ABCA8: variants seen among roughly 807,000 people sequenced by gnomAD.
The protein encoded by ABCA8 is ABC-type organic anion transporter ABCA8.
In ABCA8, 177 loss-of-function variants were observed where a neutral mutation model predicts 192.3. The observed-to-expected ratio is 0.92, with a 90% CI of 0.81 to 1.04. The LOEUF is 1.04. Ranked by LOEUF, ABCA8 falls within the 50% of genes least tolerant of loss-of-function variation. The probability of loss-of-function intolerance (pLI) is 0.00; values close to 1 mark genes in which losing one functional copy is unlikely to be tolerated. For missense variants in ABCA8, 1,915 were observed against 1,904.8 expected (o/e 1.01, Z -0.10); for synonymous variants, 642 against 690.2 (o/e 0.93, Z 1.09).
intron 22 of ABCA8, 177 bp downstream of exon 22, chr17:68,894,703 G>A: frequency 1.5e-6 from 1 of 654,890 alleles, no homozygotes; most frequent in East Asian, 2.8e-5. Flanking sequence ...CTAATAGTTT[G>A]TGCCAGTAGA....
intron 4 of ABCA8, among the ~76,000 whole-genome samples, chr17:68,939,650 T>C (rs1379395635): frequency 6.6e-6 from 1 of 152,148 alleles, no homozygotes; most frequent in African/African-American, 2.4e-5. Flanking sequence ...CACAAAGCTG[T>C]ATATCGGAGG....
At chr17:68,869,900 G>T in intron 37 of ABCA8, 121 bp from the exon 38 acceptor site, 1 of 675,314 alleles carries the variant, frequency 1.5e-6, no homozygotes, top group Non-Finnish European at 2.6e-6. Context: ...TTTAACATGA[G>T]ATCTACCCTG....
Position 68,881,978 on chromosome 17 carries a change from C to T in ABCA8, c.3831G>A (p.Lys1277=), listed in dbSNP as rs1056716708. The part of the protein sequence containing the change: ...NALNSTNFDE[K]PVIIASCLRK... ...GTAGACAGCTGGCAATGATGACTGG[C>T]TTCTGTAAATGACAAGAAGTTATTA... The change falls in exon 31 of 40, where the codon AAG becomes AAA. Residue 1277 remains lysine (K), a splice_region_variant and synonymous_variant. Transcript: ENST00000586539. 9.3e-6 allele frequency: 15 copies of T among 1,612,004 alleles called. No homozygotes were observed. The highest frequency in any genetic ancestry group is 1.3e-5 in the African/African-American group (1 of 74,876).
intron 15 of ABCA8, 84 bp downstream of exon 15, chr17:68,918,343 C>T: frequency 1.3e-6 from 2 of 1,503,702 alleles, no homozygotes; most frequent in Non-Finnish European, 1.8e-6. Context: ...TAACACATGT[C>T]CTTTGCGAAT....
intron 23 of ABCA8, among the ~76,000 whole-genome samples, chr17:68,892,996 G>T (rs577626078): frequency 2.0e-5 from 3 of 152,094 alleles, no homozygotes; most frequent in Non-Finnish European, 4.4e-5. Flanking sequence ...GTGGCAGAGC[G>T]AGACCCTGCC....
At position 68,883,717 on chromosome 17, in the gene ABCA8, T is replaced by C. The variant is rs2066391121; in HGVS notation, c.3707+74A>G. 4 of 976,042 alleles carry C rather than the reference T, an allele frequency of 4.1e-6. No homozygotes were observed. The Middle Eastern group carries it at 6.4e-4, about 155-fold the overall frequency. 60.5% of individuals were successfully genotyped at this position (976,042 alleles called of 1,614,324 possible). On this transcript the variant is annotated intron_variant, in intron 29 of 39. Transcript: ENST00000586539. ...TAGCACAACGGCACCTCTTTGTTAA[T>C]GAATTGATTTATGCATGAAAAATAT... is the stretch of plus-strand genomic sequence containing the variant.
rs1323787631 is a variant in ABCA8, at chr17:68,918,425, A to G, written c.1908+2T>C. Reference sequence around the variant, plus strand: ...TTCACCTGCAAATTCAATGTGACTCACCTGAGGATCTCCTAAAATGGCAAT... The same window carrying G: ...TTCACCTGCAAATTCAATGTGACTCGCCTGAGGATCTCCTAAAATGGCAAT... On this transcript the variant is annotated splice_donor_variant, in intron 15 of 39. Coordinates refer to ENST00000586539, the MANE Select transcript of ABCA8 (RefSeq NM_001288985.2). LOFTEE classifies it high-confidence loss of function. 1.3e-6 allele frequency: 2 copies of G among 1,571,230 alleles called. No individual in the cohort carries two copies. Among genetic ancestry groups the G allele is most frequent in the East Asian group, 2.3e-5 (1 of 43,670 alleles).
intron 39 of ABCA8, 51 bp from the exon 40 acceptor site, chr17:68,868,234 T>C: frequency 6.2e-7 from 1 of 1,606,400 alleles, no homozygotes; most frequent in African/African-American, 1.3e-5. Context: ...GTGCTGCCTC[T>C]GCAGCTCCCA....
At chr17:68,874,009 G>C (rs899853531) in intron 37 of ABCA8, among the ~76,000 whole-genome samples, 2 of 152,260 alleles carry the variant, frequency 1.3e-5, no homozygotes, top group South Asian at 2.1e-4. Flanking sequence ...AGGAAAAAAG[G>C]GTAAGGTGAA....
At position 68,955,324 on chromosome 17, in the gene ABCA8, A is replaced by G. The variant is rs1178852529; in HGVS notation, c.-272T>C. ...TTCTCCTGGTCTCTACCATGTATCT[A>G]GAATTTGCTTTAACTATTTGACTTC... On this transcript the variant is annotated 5_prime_UTR_variant, in exon 1 of 40. Coordinates refer to ENST00000586539, the MANE Select transcript of ABCA8 (RefSeq NM_001288985.2). The G allele has an allele frequency of 4.6e-5, 7 of 152,200 alleles. No homozygotes were observed. The highest frequency in any genetic ancestry group is 1.3e-4 in the Admixed American group (2 of 15,266). The allele number at this position is 152,200 out of a possible 1,614,324, so 9.4% of individuals were successfully genotyped here. A position where few individuals can be genotyped will look rare whatever the true frequency, so the allele number is the denominator to read the frequency against.
At chr17:68,884,616 C>A (rs896814063) in intron 27 of ABCA8, 13 of 1,226,296 alleles carry the variant, frequency 1.1e-5, no homozygotes, top group African/African-American at 1.6e-5. Flanking sequence ...AATCACCTGG[C>A]GAGAGAATCC....
At chr17:68,903,229 G>T in intron 20 of ABCA8, 72 bp downstream of exon 20, 25 of 1,500,270 alleles carry the variant, frequency 1.7e-5, no homozygotes, top group Middle Eastern at 3.5e-4. Flanking sequence ...TTTTTTGCTT[G>T]CCTTTATACC....
intron 2 of ABCA8, among the ~76,000 whole-genome samples, chr17:68,948,095 A>G (rs904462815): frequency 6.6e-6 from 1 of 152,180 alleles, no homozygotes; most frequent in African/African-American, 2.4e-5. Context: ...TCATGGCTGC[A>G]TAGTATTCCA....
rs770081863 is a variant in ABCA8, at chr17:68,882,638, C to T, written c.3789G>A (p.Val1263=). The T allele has an allele frequency of 2.5e-6, 4 of 1,612,704 alleles. No homozygotes were observed. The highest frequency in any genetic ancestry group is 1.1e-5 in the South Asian group (1 of 90,994). Residue 1263 remains valine, a synonymous_variant, in exon 30 of 40, where the codon GTG becomes GTA. Coordinates refer to ENST00000586539, the MANE Select transcript of ABCA8 (RefSeq NM_001288985.2). Reference sequence around the variant, plus strand: ...TAGAATTCAAGGCATTTGCTGTTCTCACTCTTTCCATCTGAACATCTTCAT... The same window carrying T: ...TAGAATTCAAGGCATTTGCTGTTCTTACTCTTTCCATCTGAACATCTTCAT... ...GEDEDVQMER[V]RTANALNSTN...
At chr17:68,876,251 T>G in intron 35 of ABCA8, 1 of 628,904 alleles carries the variant, frequency 1.6e-6, no homozygotes, top group Non-Finnish European at 2.7e-6. Flanking sequence ...GCCCTAACAA[T>G]GGTAATTCTT....
At chr17:68,913,682 G>A (rs945295805) in intron 17 of ABCA8, among the ~76,000 whole-genome samples, 5 of 152,042 alleles carry the variant, frequency 3.3e-5, no homozygotes, top group East Asian at 3.9e-4. Flanking sequence ...AGATTGAACC[G>A]TGAAGAAATC....
In ABCA8 at chr17:68,893,265, A is replaced by C. The variant is rs1280654531; in HGVS notation, c.3036+908T>G. Among the ~76,000 whole-genome samples, 4 of 152,202 alleles carry C rather than the reference A, an allele frequency of 2.6e-5. No homozygotes were observed. In the East Asian group the frequency reaches 7.7e-4, roughly 29 times the overall value. ...GCTCAAAGAACTCTCTGAAAGGGAG[A>C]AATGTATGTATTCAATAATTAAAAA... On this transcript the variant is annotated intron_variant, in intron 23 of 39. Transcript: ENST00000586539.
At chr17:68,917,527 A>G in intron 16 of ABCA8, 76 bp from the exon 17 acceptor site, 1 of 997,118 alleles carries the variant, frequency 1.0e-6, no homozygotes, top group Non-Finnish European at 1.5e-6. Context: ...ACAGGTAATC[A>G]TCTATATAAT....
rs2067956019 is a variant in ABCA8 at position 68,933,169 on chromosome 17, T to C, written c.569A>G (p.Glu190Gly). The C allele has an allele frequency of 1.2e-6, 2 of 1,605,784 alleles. No homozygotes were observed. Among genetic ancestry groups the C allele is most frequent in the Admixed American group, 1.7e-5 (1 of 59,322 alleles). ...LQAAINAAII[E>G]ITTNHSVMEE... ...TTGCTTTGAACATTTTGTACTCACT[T>C]CTATAATAGCAGCATTAATGGCAGC... Residue 190 changes from glutamate to glycine, a missense_variant and splice_region_variant, in exon 6 of 40, where the codon GAA becomes GGA. By Grantham distance (98) the Glu-to-Gly change is moderately conservative. Coordinates refer to ENST00000586539, the MANE Select transcript of ABCA8 (RefSeq NM_001288985.2).
Sources: gnomAD v4.1 joint callset for allele counts (sites outside exome capture counted in the v4.1 genomes callset) on GRCh38, gnomAD v4.1.1 for gene constraint, MANE v1.5 for transcripts, NCBI Gene and HGNC (gene_info 2026-07-23, HGNC 2026-07-21) for gene names.